ZMYND11: variants seen among roughly 807,000 people sequenced by gnomAD.
The protein encoded by ZMYND11 is zinc finger MYND domain-containing protein 11.
Under a neutral mutation model 84.9 loss-of-function variants are expected in ZMYND11, and 9 were observed. The observed-to-expected ratio is 0.11, with a 90% CI of 0.06 to 0.18. The LOEUF (loss-of-function observed/expected upper bound fraction) is 0.18, where lower values mean the gene tolerates loss of function less well. Ranked by LOEUF, ZMYND11 falls within the 10% of genes least tolerant of loss-of-function variation. The pLI, the probability that ZMYND11 is intolerant of heterozygous loss-of-function variation, is 1.00. For synonymous variants in ZMYND11, 250 were observed against 244.1 expected (o/e 1.02, Z -0.23); for missense variants, 409 against 761.0 (o/e 0.54, Z 5.44).
At chr10:181,372 A>T (rs2436027) in intron 2 of ZMYND11, among the ~76,000 whole-genome samples, 15,222 of 152,290 alleles carry the variant, frequency 0.1, 931 homozygotes, top group African/African-American at 0.18. Flanking sequence ...TAATCCCAGC[A>T]CTTCAGCAGG....
At chr10:149,288 A>G (rs182502811) in intron 1 of ZMYND11, among the ~76,000 whole-genome samples, 12 of 61,084 alleles carry the variant, frequency 2.0e-4, no homozygotes, top group African/African-American at 4.0e-4. Context: ...GGTGGTTGTT[A>G]TTATTATTAT....
chr10:192,838 T>C (rs1940796155), intron 2 of ZMYND11, among the ~76,000 whole-genome samples: 1 of 152,228 alleles, frequency 6.6e-6, no homozygotes, highest in East Asian at 1.9e-4. Context: ...GGGTTTCCTC[T>C]TCTGTGAGTC....
At chr10:179,535 T>A (rs559797083) in intron 1 of ZMYND11, among the ~76,000 whole-genome samples, 1 of 152,192 alleles carries the variant, frequency 6.6e-6, no homozygotes, top group Non-Finnish European at 1.5e-5. Flanking sequence ...TAATATTGTT[T>A]TCATATATCT....
chr10:232,207 GT>G (rs200836411), intron 4 of ZMYND11, among the ~76,000 whole-genome samples: 481 of 152,316 alleles, frequency 3.2e-3, no homozygotes, highest in African/African-American at 0.011. Context: ...CATTGAAAAT[GT>G]TTTGGTCTGG....
chr10:197,522 C>T (rs577353789), intron 2 of ZMYND11, among the ~76,000 whole-genome samples: 2 of 152,170 alleles, frequency 1.3e-5, no homozygotes, highest in Non-Finnish European at 2.9e-5. Flanking sequence ...CTATAAAGTC[C>T]AACAGCCTGC....
intron 1 of ZMYND11, among the ~76,000 whole-genome samples, chr10:155,237 G>A (rs1019283511): frequency 5.9e-5 from 9 of 152,122 alleles, no homozygotes; most frequent in Admixed American, 6.6e-5. Context: ...AGGAAAAGAT[G>A]GAGAAATTTG....
Position 172,456 on chromosome 10 carries a change from G to A in ZMYND11, c.-19-7538G>A, listed in dbSNP as rs144548223. On this transcript the variant is annotated intron_variant, in intron 1 of 14. Transcript: ENST00000381604. ...AAATCTATCACTTTCCTATTTATCA[G>A]CAATGAACAAGTGTAATGTGAAATT... Among the ~76,000 whole-genome samples, 847 of 152,194 alleles carry A rather than the reference G, an allele frequency of 5.6e-3. 3 individuals carry two copies. Among genetic ancestry groups the A allele is most frequent in the Non-Finnish European group, 7.8e-3 (528 of 68,018 alleles).
At chr10:208,977 A>G (rs2131250939) in intron 2 of ZMYND11, among the ~76,000 whole-genome samples, 1 of 152,084 alleles carries the variant, frequency 6.6e-6, no homozygotes, top group Admixed American at 6.6e-5. Context: ...AGTTAACTGG[A>G]GATACAGGTA....
In ZMYND11 at chr10:213,918, G is replaced by A. The variant is rs549020155; in HGVS notation, c.276+3870G>A. 1.3e-4 allele frequency among the ~76,000 whole-genome samples: 20 copies of A among 152,098 alleles called. No homozygotes were observed. In the South Asian group the frequency reaches 2.5e-3, roughly 19 times the overall value. ...AGCAATTGAGAAATATGCATATATT[G>A]AACAAGATTACTTTTATGAAATCTA... is the stretch of plus-strand genomic sequence containing the variant. On this transcript the variant is annotated intron_variant, in intron 3 of 14. Coordinates refer to ENST00000381604, the MANE Select transcript of ZMYND11 (RefSeq NM_001370100.5).
intron 1 of ZMYND11, among the ~76,000 whole-genome samples, chr10:164,361 G>A (rs191096546): frequency 1.2e-3 from 185 of 152,166 alleles, no homozygotes; most frequent in African/African-American, 4.3e-3. Flanking sequence ...GATAGGCAGG[G>A]TTGGTTAGGT....
chr10:151,787 A>G (rs1554757133), intron 1 of ZMYND11, among the ~76,000 whole-genome samples: 3 of 152,174 alleles, frequency 2.0e-5, no homozygotes, highest in African/African-American at 7.2e-5. Flanking sequence ...GTTGAAATGA[A>G]GGAAAAGATG....
rs897962253 is a variant in ZMYND11, at chr10:162,343, G to C, written c.-19-17651G>C. 6.6e-5 allele frequency among the ~76,000 whole-genome samples: 10 copies of C among 152,124 alleles called. No homozygotes were observed. In the East Asian group the frequency reaches 1.7e-3, roughly 26 times the overall value. On this transcript the variant is annotated intron_variant, in intron 1 of 14. Transcript: ENST00000381604. Reference sequence around the variant, plus strand: ...CAATAATGGAAAAGTCTGAAATATTGTGATACTTAACAAAATGTTATCCAG... The same window carrying C: ...CAATAATGGAAAAGTCTGAAATATTCTGATACTTAACAAAATGTTATCCAG...
chr10:249,354 A>G (rs1952855165), intron 14 of ZMYND11: 1 of 1,204,558 alleles, frequency 8.3e-7, no homozygotes, highest in Middle Eastern at 3.4e-4. Context: ...ATTAACTTAT[A>G]TAATTTCTCC....
At chr10:194,871 C>T (rs1941363107) in intron 2 of ZMYND11, among the ~76,000 whole-genome samples, 1 of 152,104 alleles carries the variant, frequency 6.6e-6, no homozygotes, top group Non-Finnish European at 1.5e-5. Flanking sequence ...GAGGAACAAT[C>T]AACATTTATA....
chr10:178,619 C>A lies in ZMYND11; in HGVS notation c.-19-1375C>A, dbSNP rs137861626. Among the ~76,000 whole-genome samples the A allele has an allele frequency of 3.2e-3, 487 of 152,264 alleles. 10 individuals are homozygous for A. Among genetic ancestry groups the A allele is most frequent in the Admixed American group, 0.028 (432 of 15,286 alleles). ...TATTTTCATTATGTATAAATTTATA[C>A]AGAACTAACTGATTTTCCTAAAGTT... On this transcript the variant is annotated intron_variant, in intron 1 of 14. Coordinates refer to ENST00000381604, the MANE Select transcript of ZMYND11 (RefSeq NM_001370100.5).
chr10:147,650 T>C (rs1343283029), intron 1 of ZMYND11, among the ~76,000 whole-genome samples: 1 of 150,018 alleles, frequency 6.7e-6, no homozygotes, highest in African/African-American at 2.5e-5. Flanking sequence ...TAAAATAACC[T>C]GAAAAGTAAA....
At chr10:241,377 C>T (rs1950882911) in intron 9 of ZMYND11, among the ~76,000 whole-genome samples, 1 of 152,100 alleles carries the variant, frequency 6.6e-6, no homozygotes, top group Non-Finnish European at 1.5e-5. Flanking sequence ...GGGGTTTTAC[C>T]ATGTTGCTCA....
chr10:156,903 C>T (rs1370502590), intron 1 of ZMYND11, among the ~76,000 whole-genome samples: 2 of 152,160 alleles, frequency 1.3e-5, no homozygotes, highest in African/African-American at 4.8e-5. Flanking sequence ...CACAGATCTC[C>T]TCACTGGTAT....
Position 252,678 on chromosome 10 carries a change from G to T in ZMYND11, c.*208G>T. The T allele has an allele frequency of 2.4e-6, 1 of 411,706 alleles. No individual in the cohort carries two copies. Among genetic ancestry groups the T allele is most frequent in the South Asian group, 7.0e-5 (1 of 14,222 alleles). 25.5% of individuals were successfully genotyped at this position (411,706 alleles called of 1,614,324 possible). On this transcript the variant is annotated 3_prime_UTR_variant, in exon 15 of 15. Coordinates refer to ENST00000381604, the MANE Select transcript of ZMYND11 (RefSeq NM_001370100.5). This position sits in a 1 kb window ranked among gnomAD's most constrained non-coding sequence, Gnocchi z 4.6. ...GGGGGTAAAAGTAACATCAGTGGAG[G>T]GTATTATTTTAAATAAATTTTAATT...
Sources: gnomAD v4.1 joint callset for allele counts (sites outside exome capture counted in the v4.1 genomes callset) on GRCh38, gnomAD v4.1.1 for gene constraint, Gnocchi (gnomAD v3.1) non-coding constraint, MANE v1.5 for transcripts, NCBI Gene and HGNC (gene_info 2026-07-23, HGNC 2026-07-21) for gene names.